Variants in IFI16 observed in about 807,000 individuals in gnomAD.
IFI16 encodes interferon gamma inducible protein 16, also known as gamma-interferon-inducible protein 16.
A neutral mutation model predicts 68.4 loss-of-function variants in IFI16; 49 were observed. The observed-to-expected ratio is 0.72, with a 90% CI of 0.57 to 0.91. IFI16 has a LOEUF of 0.91. IFI16 is among the 40% of genes least tolerant of loss of function. IFI16 has a pLI of 0.00. For missense variants in IFI16, 878 were observed against 942.9 expected, an observed-to-expected ratio of 0.93 and a Z score of 0.90; for synonymous variants, 307 against 315.0, an observed-to-expected ratio of 0.97 and a Z score of 0.27.
chr1:159,015,897 G>A lies in IFI16; in HGVS notation c.291G>A (p.Lys97=). 1.2e-6 allele frequency: 2 copies of A among 1,613,860 alleles called. No individual in the cohort carries two copies. Among genetic ancestry groups the A allele is most frequent in the South Asian group, 2.2e-5 (2 of 91,074 alleles). ...LKVKGPALSR[K]RKKEVDATSP... Reference sequence around the variant, plus strand: ...TAAAAGGACCAGCCCTATCAAGAAAGAGGAAGAAGGAAGTGGATGCTACTT... The same window carrying A: ...TAAAAGGACCAGCCCTATCAAGAAAAAGGAAGAAGGAAGTGGATGCTACTT... The change falls in exon 3 of 12, where the codon AAG becomes AAA. Residue 97 remains lysine, a synonymous_variant. Coordinates refer to ENST00000295809, the MANE Select transcript of IFI16 (RefSeq NM_001376587.1).
rs1244808166 is a variant in IFI16 at position 159,018,272 on chromosome 1, A to G, written c.593A>G (p.Asn198Ser). 5 of 1,614,090 alleles carry G rather than the reference A, an allele frequency of 3.1e-6. No individual in the cohort carries two copies. The highest frequency in any genetic ancestry group is 1.1e-5 in the South Asian group (1 of 91,092). ...VAKCQVTPRRNVLQKRPVIVK... is the reference protein window; with the variant it reads ...VAKCQVTPRRSVLQKRPVIVK... ...AAATGTCAGGTAACTCCCAGAAGAA[A>G]TGTTCTCCAAAAACGCCCAGTGATA... Residue 198 changes from asparagine to serine, a missense_variant, in exon 5 of 12, where the codon AAT (asparagine) becomes AGT (serine). Around this residue, in one of 4 missense-constraint regions of IFI16, gnomAD observed 443 missense variants for 421.8 expected, o/e 1.05. Coordinates refer to ENST00000295809, the MANE Select transcript of IFI16 (RefSeq NM_001376587.1).
At chr1:159,053,859 A>T (rs534913298) in intron 11 of IFI16, 135 bp downstream of exon 11, 23 of 560,322 alleles carry the variant, frequency 4.1e-5, no homozygotes, top group Middle Eastern at 7.7e-4. Context: ...TACTGGGTGT[A>T]AACTTCCCAC....
chr1:159,022,337 G>A (rs1653388573), intron 6 of IFI16, among the ~76,000 whole-genome samples: 1 of 152,134 alleles, frequency 6.6e-6, no homozygotes, highest in South Asian at 2.1e-4. Flanking sequence ...AATAGCATTT[G>A]AATATCAATT....
intron 6 of IFI16, among the ~76,000 whole-genome samples, chr1:159,023,270 C>T (rs1653448261): frequency 6.6e-6 from 1 of 152,240 alleles, no homozygotes; most frequent in East Asian, 1.9e-4. Flanking sequence ...AAAGGTATAA[C>T]ATTGAGTTTT....
intron 7 of IFI16, among the ~76,000 whole-genome samples, chr1:159,040,204 CAT>C (rs200350398): frequency 0.03 from 4,570 of 152,246 alleles, 100 homozygotes; most frequent in Non-Finnish European, 0.044. Flanking sequence ...ATCACAGATG[CAT>C]ATGAGGCATA....
At chr1:159,037,427 A>T (rs1261800232) in intron 7 of IFI16, among the ~76,000 whole-genome samples, 1 of 152,182 alleles carries the variant, frequency 6.6e-6, no homozygotes, top group East Asian at 1.9e-4. Flanking sequence ...TCTCCCGAAG[A>T]TTTTGTATAT....
intron 1 of IFI16, among the ~76,000 whole-genome samples, chr1:159,014,186 C>T (rs1263039050): frequency 1.3e-5 from 2 of 152,118 alleles, no homozygotes; most frequent in African/African-American, 2.4e-5. Context: ...AGGGTCAGTG[C>T]CACAGCATGA....
intron 8 of IFI16, among the ~76,000 whole-genome samples, chr1:159,046,941 A>G (rs999521376): frequency 1.3e-5 from 2 of 151,244 alleles, no homozygotes; most frequent in African/African-American, 2.4e-5. Context: ...GATAACACAG[A>G]GGTGGGAAAG....
intron 6 of IFI16, among the ~76,000 whole-genome samples, chr1:159,021,936 G>T (rs1653345508): frequency 1.6e-5 from 2 of 123,780 alleles, no homozygotes; most frequent in Non-Finnish European, 3.3e-5. Flanking sequence ...TTAGCCCTTA[G>T]CCCTTTTTTT....
At chr1:159,022,497 G>A (rs1300742174) in intron 6 of IFI16, among the ~76,000 whole-genome samples, 4 of 152,292 alleles carry the variant, frequency 2.6e-5, no homozygotes, top group African/African-American at 9.6e-5. Flanking sequence ...TCCATTGGCT[G>A]GGACGGGACC....
chr1:159,022,055 C>G, intron 6 of IFI16, among the ~76,000 whole-genome samples: 1 of 148,382 alleles, frequency 6.7e-6, no homozygotes, highest in East Asian at 2.0e-4. Context: ...GCTCCGCCTC[C>G]CGGGTTCACG....
intron 6 of IFI16, among the ~76,000 whole-genome samples, chr1:159,028,272 C>T (rs183860468): frequency 8.5e-5 from 13 of 152,234 alleles, no homozygotes; most frequent in Admixed American, 7.8e-4. Flanking sequence ...ATTATTGACT[C>T]TATGATCATA....
intron 7 of IFI16, among the ~76,000 whole-genome samples, 185 bp downstream of exon 7, chr1:159,032,876 A>G (rs1007352940): frequency 2.0e-5 from 3 of 152,048 alleles, no homozygotes; most frequent in Admixed American, 6.5e-5. Flanking sequence ...AATCTTTACT[A>G]TCTAAAAGGC....
chr1:159,049,798 C>T (rs937629040), intron 9 of IFI16, among the ~76,000 whole-genome samples, 199 bp downstream of exon 9: 6 of 152,158 alleles, frequency 3.9e-5, no homozygotes, highest in Non-Finnish European at 7.4e-5. Flanking sequence ...TATTCCATAA[C>T]AGGTATAATT....
At chr1:159,011,341 C>T (rs1652544484) in intron 1 of IFI16, among the ~76,000 whole-genome samples, 2 of 151,480 alleles carry the variant, frequency 1.3e-5, no homozygotes, top group South Asian at 4.2e-4. Context: ...CGAGACTGTG[C>T]CACTACACTC....
At chr1:159,025,542 A>G (rs375415037) in intron 6 of IFI16, among the ~76,000 whole-genome samples, 1 of 151,954 alleles carries the variant, frequency 6.6e-6, no homozygotes, top group Non-Finnish European at 1.5e-5. Context: ...TTTCTTGATG[A>G]TTTGCTTGAG....
At position 159,015,978 on chromosome 1, in the gene IFI16, T is replaced by C. The variant is rs764527673; in HGVS notation, c.372T>C (p.Pro124=). 1.2e-6 allele frequency: 2 copies of C among 1,612,058 alleles called. No homozygotes were observed. Among genetic ancestry groups the C allele is most frequent in the South Asian group, 1.1e-5 (1 of 91,042 alleles). The change falls in exon 3 of 12, where the codon CCT becomes CCC. Residue 124 remains proline (P), a synonymous_variant. Coordinates refer to ENST00000295809, the MANE Select transcript of IFI16 (RefSeq NM_001376587.1). ...TVKTEGAEAT[P]GAQKRKKSTK... is the part of the protein sequence containing the mutation. ...AAACTGAAGGAGCAGAGGCAACTCC[T>C]GGAGCTCAGGTAAGCTTCAGGAAGA...
intron 5 of IFI16, 27 bp downstream of exon 5, chr1:159,018,678 A>G (rs567829088): frequency 2.0e-6 from 3 of 1,487,010 alleles, no homozygotes; most frequent in Admixed American, 3.9e-5. Flanking sequence ...GTTTCGTTTC[A>G]TTTTTCCACC....
intron 1 of IFI16, among the ~76,000 whole-genome samples, chr1:159,011,707 T>A (rs1260999925): frequency 6.6e-6 from 1 of 152,136 alleles, no homozygotes; most frequent in Non-Finnish European, 1.5e-5. Flanking sequence ...AAGGTATATT[T>A]AAAATTACAC....
Sources: allele counts gnomAD v4.1 joint callset (sites outside exome capture counted in the v4.1 genomes callset), GRCh38; gene constraint gnomAD v4.1.1; regional missense constraint gnomAD v4.1.1; transcripts MANE v1.5; gene names NCBI Gene and HGNC (gene_info 2026-07-23, HGNC 2026-07-21).